PAIP1: variants seen among roughly 807,000 people sequenced by gnomAD.
The protein encoded by PAIP1 is polyadenylate-binding protein-interacting protein 1.
A neutral mutation model predicts 61.3 loss-of-function variants in PAIP1; 16 were observed. The observed-to-expected ratio is 0.26, with a 90% CI of 0.18 to 0.40. PAIP1 has a LOEUF of 0.40. Ranked by LOEUF, PAIP1 falls within the 10% of genes least tolerant of loss-of-function variation. The pLI, the probability that PAIP1 is intolerant of heterozygous loss-of-function variation, is 1.00. For missense variants in PAIP1, 416 were observed against 600.9 expected (o/e 0.69, Z 3.22); for synonymous variants, 187 against 226.2 (o/e 0.83, Z 1.56).
At chr5:43,550,515 A>C (rs1031341453) in intron 2 of PAIP1, among the ~76,000 whole-genome samples, 1 of 152,166 alleles carries the variant, frequency 6.6e-6, no homozygotes, top group Non-Finnish European at 1.5e-5. Flanking sequence ...CCAGTTAATA[A>C]GCTAATAGCC....
chr5:43,540,801 A>G (rs1307411131), intron 4 of PAIP1, among the ~76,000 whole-genome samples: 1 of 152,200 alleles, frequency 6.6e-6, no homozygotes, highest in African/African-American at 2.4e-5. Context: ...TCATAGCTAT[A>G]CAGTAGAATC....
chr5:43,542,556 T>C (rs1747457424), intron 4 of PAIP1, among the ~76,000 whole-genome samples: 1 of 151,758 alleles, frequency 6.6e-6, no homozygotes, highest in African/African-American at 2.4e-5. Context: ...AAAAAGCTTT[T>C]TAATAGCTAT....
intron 7 of PAIP1, 106 bp from the exon 8 acceptor site, chr5:43,535,076 T>TTTC: frequency 1.5e-6 from 1 of 686,026 alleles, no homozygotes. Context: ...AACAGGTACA[T>TTTC]CTGATGCCTT....
Position 43,557,041 on chromosome 5 carries a change from C to A in PAIP1, c.-195G>T. 2.0e-6 allele frequency: 2 copies of A among 999,956 alleles called. No individual in the cohort carries two copies. Among genetic ancestry groups the A allele is most frequent in the East Asian group, 3.4e-5 (1 of 29,686 alleles). 61.9% of individuals were successfully genotyped at this position (999,956 alleles called of 1,614,324 possible). ...ACGGCAGCCCGAGCACCCGCCGCTC[C>A]AGAGCGCCCGCCCCGCTCGGCTACC... On this transcript the variant is annotated 5_prime_UTR_variant, in exon 1 of 11. Transcript: ENST00000306846.
At chr5:43,533,853 A>G (rs943204997) in intron 8 of PAIP1, 61 bp from the exon 9 acceptor site, 6 of 1,000,230 alleles carry the variant, frequency 6.0e-6, no homozygotes, top group Admixed American at 5.1e-5. Context: ...TTGTAAGTAC[A>G]ATAATGAAGC....
intron 4 of PAIP1, among the ~76,000 whole-genome samples, chr5:43,542,388 C>G (rs190682935): frequency 0.012 from 1,742 of 150,866 alleles, 32 homozygotes; most frequent in African/African-American, 0.036. Context: ...AAAAATTAGC[C>G]GGGCATGGTG....
At chr5:43,534,580 G>C (rs1390315184) in intron 8 of PAIP1, among the ~76,000 whole-genome samples, 2 of 152,178 alleles carry the variant, frequency 1.3e-5, no homozygotes, top group Non-Finnish European at 2.9e-5. Context: ...AAATTCTCTG[G>C]AAAAGCTGCT....
At chr5:43,529,459 A>G (rs1280194523) in intron 10 of PAIP1, among the ~76,000 whole-genome samples, 1 of 151,868 alleles carries the variant, frequency 6.6e-6, no homozygotes, top group Non-Finnish European at 1.5e-5. Flanking sequence ...GCTGGAGTGC[A>G]GTGGCACGAT....
chr5:43,551,615 C>T (rs76515148), intron 2 of PAIP1, among the ~76,000 whole-genome samples: 1 of 152,120 alleles, frequency 6.6e-6, no homozygotes, highest in African/African-American at 2.4e-5. Context: ...TTGTAGTATC[C>T]TACCACTATT....
Position 43,536,855 on chromosome 5 carries a change from C to T in PAIP1, c.936G>A (p.Met312Ile). The T allele has an allele frequency of 6.4e-7, 1 of 1,553,686 alleles. No homozygotes were observed. ...ELLNALFSNPMDDNLICAVKL... is the reference protein window; with the variant it reads ...ELLNALFSNPIDDNLICAVKL... Reference sequence around the variant, plus strand: ...TTACTGCACAAATTAAATTGTCATCCATAGGATTAGAAAACAGGGCATTCA... The same window carrying T: ...TTACTGCACAAATTAAATTGTCATCTATAGGATTAGAAAACAGGGCATTCA... The change falls in exon 6 of 11, where the codon ATG becomes ATA. Residue 312 changes from methionine (M) to isoleucine (I), a missense_variant. Around this residue, in one of 4 missense-constraint regions of PAIP1, gnomAD observed 135 missense variants for 283.9 expected, o/e 0.48. Transcript: ENST00000306846.
Position 43,526,809 on chromosome 5 carries a change from T to A in PAIP1, c.*567A>T, listed in dbSNP as rs1268123762. On this transcript the variant is annotated 3_prime_UTR_variant, in exon 11 of 11. Coordinates refer to ENST00000306846, the MANE Select transcript of PAIP1 (RefSeq NM_006451.5). ...AGCTGGGAGTTCACCAAGTTGGGTT[T>A]TTCCCCCCCATGACATTTAAAAAGC... 6.6e-6 allele frequency: 1 copy of A among 152,124 alleles called. No individual in the cohort carries two copies. The highest frequency in any genetic ancestry group is 1.5e-5 in the Non-Finnish European group (1 of 67,970). 9.4% of individuals were successfully genotyped at this position (152,124 alleles called of 1,614,324 possible).
rs1450250671 is a variant in PAIP1 at position 43,542,932 on chromosome 5, T to C, written c.734+72A>G. 3.2e-5 allele frequency: 26 copies of C among 802,982 alleles called. 1 individual carries two copies. Among genetic ancestry groups the C allele is most frequent in the East Asian group, 1.0e-4 (4 of 39,986 alleles). The allele number at this position is 802,982 out of a possible 1,614,324, so 49.7% of individuals were successfully genotyped here. Reference sequence around the variant, plus strand: ...TTCTTTCCTGCAGCTTTTTATAATATATGGTCTGAGGAATGGTCAAATTCT... The same window carrying C: ...TTCTTTCCTGCAGCTTTTTATAATACATGGTCTGAGGAATGGTCAAATTCT... On this transcript the variant is annotated intron_variant, in intron 4 of 10. Coordinates refer to ENST00000306846, the MANE Select transcript of PAIP1 (RefSeq NM_006451.5).
intron 5 of PAIP1, 28 bp from the exon 6 acceptor site, chr5:43,536,972 G>A: frequency 6.5e-7 from 1 of 1,534,664 alleles, no homozygotes; most frequent in Admixed American, 2.2e-5. Flanking sequence ...AAGAACAAAA[G>A]GAATGATGCC....
rs1748123649 is a variant in PAIP1 at position 43,556,939 on chromosome 5, C to T, written c.-93G>A. 4.0e-5 allele frequency: 51 copies of T among 1,284,036 alleles called. No individual in the cohort carries two copies. The highest frequency in any genetic ancestry group is 4.9e-5 in the Non-Finnish European group (50 of 1,015,532). 79.5% of individuals were successfully genotyped at this position (1,284,036 alleles called of 1,614,324 possible). The stretch of plus-strand genomic sequence containing the variant: ...AGGCGCCGCGGGTCGGCTATAGCCG[C>T]CGCGCCTCACTCGGGCCTCATGGAG... On this transcript the variant is annotated 5_prime_UTR_variant, in exon 1 of 11. Transcript: ENST00000306846.
At chr5:43,542,177 G>GAAA (rs770528484) in intron 4 of PAIP1, among the ~76,000 whole-genome samples, 1 of 123,562 alleles carries the variant, frequency 8.1e-6, no homozygotes, top group Non-Finnish European at 1.7e-5. Context: ...CTCGGTCTCG[G>GAAA]AAAAAAAAAA....
rs1360928807 is a variant in PAIP1 at position 43,526,624 on chromosome 5, G to A, written c.*752C>T. 3 of 142,148 alleles carry A rather than the reference G, an allele frequency of 2.1e-5. No homozygotes were observed. The highest frequency in any genetic ancestry group is 2.3e-4 in the South Asian group (1 of 4,336). 8.8% of individuals were successfully genotyped at this position (142,148 alleles called of 1,614,324 possible). ...AGTAAAATTCTCTAGTAAAAAAGTCGATGCAACCCATGCTACAAAATAAAA... is the reference window on the plus strand; with the variant it reads ...AGTAAAATTCTCTAGTAAAAAAGTCAATGCAACCCATGCTACAAAATAAAA... On this transcript the variant is annotated 3_prime_UTR_variant, in exon 11 of 11. Coordinates refer to ENST00000306846, the MANE Select transcript of PAIP1 (RefSeq NM_006451.5).
chr5:43,544,447 A>G (rs946742179), intron 3 of PAIP1, among the ~76,000 whole-genome samples: 2 of 152,104 alleles, frequency 1.3e-5, no homozygotes, highest in Non-Finnish European at 2.9e-5. Context: ...TTTTAGTGTT[A>G]TAACACGATT....
At chr5:43,533,304 TTAAC>T (rs1428924942) in intron 9 of PAIP1, among the ~76,000 whole-genome samples, 3 of 152,200 alleles carry the variant, frequency 2.0e-5, no homozygotes, top group Non-Finnish European at 4.4e-5. Flanking sequence ...TGGATTTTAA[TTAAC>T]TGTCACACAC....
intron 2 of PAIP1, among the ~76,000 whole-genome samples, chr5:43,551,417 G>C (rs1004559254): frequency 6.6e-6 from 1 of 152,112 alleles, no homozygotes; most frequent in Non-Finnish European, 1.5e-5. Flanking sequence ...AAGAAAACAA[G>C]AGACAACAGT....
Sources: gnomAD v4.1 joint callset for allele counts (sites outside exome capture counted in the v4.1 genomes callset) on GRCh38, gnomAD v4.1.1 for gene constraint, gnomAD v4.1.1 regional missense constraint, MANE v1.5 for transcripts, NCBI Gene and HGNC (gene_info 2026-07-23, HGNC 2026-07-21) for gene names.